KLF17: variants seen among roughly 807,000 people sequenced by gnomAD.
The protein encoded by KLF17 is KLF transcription factor 17, also known as Krueppel-like factor 17.
KLF17 carries 31 observed loss-of-function variants against 34.2 expected under a neutral mutation model. That is an observed-to-expected ratio of 0.91 (90% confidence interval 0.68 to 1.22). The LOEUF (loss-of-function observed/expected upper bound fraction) is 1.22. KLF17 is among the 50% of genes most tolerant of loss of function. The probability of loss-of-function intolerance (pLI) is 0.00; values close to 1 mark genes in which losing one functional copy is unlikely to be tolerated. For missense variants in KLF17, 478 were observed against 505.2 expected (o/e 0.95, Z 0.52); for synonymous variants, 179 against 186.7 (o/e 0.96, Z 0.34).
intron 1 of KLF17, among the ~76,000 whole-genome samples, chr1:44,124,533 C>T (rs1351428758): frequency 3.7e-5 from 5 of 136,806 alleles, no homozygotes; most frequent in Non-Finnish European, 7.6e-5. Flanking sequence ...GTCTCACTGT[C>T]GCCCAGGCTG....
the KLF17 span, chr1:44,104,069 C>T: frequency 1.1e-6 from 1 of 897,186 alleles, no homozygotes. Flanking sequence ...TCTGGGACTG[C>T]AGCTCCCGGA....
chr1:44,062,434 A>G, the KLF17 span, among the ~76,000 whole-genome samples: 1 of 152,086 alleles, frequency 6.6e-6, no homozygotes, highest in African/African-American at 2.4e-5. Context: ...GCTGAGTGCC[A>G]TGGCTCATGC....
chr1:44,047,172 A>G, the KLF17 span, among the ~76,000 whole-genome samples: 1 of 152,228 alleles, frequency 6.6e-6, no homozygotes. Flanking sequence ...AAAATGTACA[A>G]GAAGAAGTAA....
At chr1:44,090,719 G>C in the KLF17 span, among the ~76,000 whole-genome samples, 1,825 of 152,172 alleles carry the variant, frequency 0.012, 21 homozygotes, top group Non-Finnish European at 0.02. Flanking sequence ...CAGAAAAGTC[G>C]CGCTTCTGGG....
chr1:44,077,670 A>G, the KLF17 span, among the ~76,000 whole-genome samples: 7 of 152,336 alleles, frequency 4.6e-5, no homozygotes, highest in Admixed American at 3.3e-4. Context: ...GCAACTGGCT[A>G]GAAAACCTTC....
chr1:44,104,179 C>A, the KLF17 span: 1 of 1,071,666 alleles, frequency 9.3e-7, no homozygotes, highest in Non-Finnish European at 1.5e-6. Context: ...TCATCCACAT[C>A]CTTCTTGATG....
At chr1:44,083,990 G>T in the KLF17 span, among the ~76,000 whole-genome samples, 12 of 152,092 alleles carry the variant, frequency 7.9e-5, no homozygotes, top group African/African-American at 2.9e-4. Flanking sequence ...AGTTTCACCA[G>T]GGTGATTGTT....
chr1:44,119,112 G>GGTAGAAATCC, intron 1 of KLF17, 124 bp downstream of exon 1: 1 of 624,558 alleles, frequency 1.6e-6, no homozygotes, highest in Non-Finnish European at 2.6e-6. Flanking sequence ...AAATCCGAGG[G>GGTAGAAATCC]GAGGGGTGGC....
intron 1 of KLF17, chr1:44,122,550 C>G (rs2087960514): frequency 1.3e-6 from 1 of 799,412 alleles, no homozygotes; most frequent in Non-Finnish European, 2.3e-6. Flanking sequence ...CGATAGCACA[C>G]TGAATCCAAC....
At chr1:44,113,201 G>T in the KLF17 span, among the ~76,000 whole-genome samples, 3 of 152,184 alleles carry the variant, frequency 2.0e-5, no homozygotes, top group East Asian at 1.9e-4. Flanking sequence ...AAGAGTTCAA[G>T]AAATTTCAAG....
chr1:44,089,205 A>G, the KLF17 span, among the ~76,000 whole-genome samples: 1 of 152,178 alleles, frequency 6.6e-6, no homozygotes, highest in Non-Finnish European at 1.5e-5. Context: ...TCTGCAATGC[A>G]TGTAACTACT....
chr1:44,062,692 A>G, the KLF17 span, among the ~76,000 whole-genome samples: 4 of 148,600 alleles, frequency 2.7e-5, no homozygotes, highest in African/African-American at 5.0e-5. Context: ...CTCCAGCCTG[A>G]GTGACAGAGC....
chr1:44,081,284 T>A, the KLF17 span, among the ~76,000 whole-genome samples: 1 of 151,948 alleles, frequency 6.6e-6, no homozygotes, highest in Admixed American at 6.6e-5. Flanking sequence ...GTTAATCTGT[T>A]TTGTTATTGT....
the KLF17 span, among the ~76,000 whole-genome samples, chr1:44,093,347 G>A: frequency 6.6e-6 from 1 of 152,086 alleles, no homozygotes; most frequent in Non-Finnish European, 1.5e-5. Context: ...ACCCCAGCGG[G>A]GCTTTAGGAC....
the KLF17 span, among the ~76,000 whole-genome samples, chr1:44,073,251 G>A: frequency 6.8e-6 from 1 of 147,428 alleles, no homozygotes; most frequent in African/African-American, 2.5e-5. Context: ...CCGTCGCCCA[G>A]GTTGGAGTGC....
the KLF17 span, among the ~76,000 whole-genome samples, chr1:44,082,402 T>C: frequency 6.6e-6 from 1 of 152,330 alleles, no homozygotes; most frequent in Admixed American, 6.5e-5. Context: ...GGTGGCTATT[T>C]GTGGAAAGAG....
intron 1 of KLF17, chr1:44,122,275 G>A: frequency 3.7e-6 from 6 of 1,601,898 alleles, no homozygotes; most frequent in Middle Eastern, 1.8e-4. Flanking sequence ...ACATCCACAA[G>A]TAGTGTATCC....
the KLF17 span, among the ~76,000 whole-genome samples, chr1:44,081,938 A>G: frequency 2.0e-5 from 3 of 152,144 alleles, no homozygotes; most frequent in South Asian, 4.1e-4. Context: ...TTGTTGTTAC[A>G]TCATCTAGAA....
At chr1:44,065,697 C>G in the KLF17 span, among the ~76,000 whole-genome samples, 1 of 152,194 alleles carries the variant, frequency 6.6e-6, no homozygotes, top group East Asian at 1.9e-4. Flanking sequence ...GCATGAGCCA[C>G]TGCTCCCAGC....
Sources: gnomAD v4.1 joint callset for allele counts (sites outside exome capture counted in the v4.1 genomes callset) on GRCh38, gnomAD v4.1.1 for gene constraint, MANE v1.5 for transcripts, NCBI Gene and HGNC (gene_info 2026-07-23, HGNC 2026-07-21) for gene names.